The following NCAM2 variants were observed in gnomAD, a reference collection of about 807,000 sequenced individuals.
The protein encoded by NCAM2 is neural cell adhesion molecule 2, also known as N-CAM-2.
A neutral mutation model predicts 98.1 loss-of-function variants in NCAM2; 30 were observed. The ratio of observed to expected loss-of-function variants is 0.31; its 90% confidence interval spans 0.23 to 0.41. The LOEUF is 0.41. Ranked by LOEUF, NCAM2 falls within the 10% of genes least tolerant of loss-of-function variation. The probability of loss-of-function intolerance (pLI) is 1.00; values close to 1 mark genes in which losing one functional copy is unlikely to be tolerated. For synonymous variants in NCAM2, 368 were observed against 342.4 expected (o/e 1.07, Z -0.83); for missense variants, 867 against 1,005.8 (o/e 0.86, Z 1.87).
chr21:21,077,005 A>G (rs2065694195), intron 1 of NCAM2, among the ~76,000 whole-genome samples: 2 of 152,136 alleles, frequency 1.3e-5, no homozygotes, highest in Non-Finnish European at 2.9e-5. Flanking sequence ...TAAGAGAAAA[A>G]GAGGCAGTGG....
At chr21:21,428,297 G>T (rs1302050095) in intron 11 of NCAM2, among the ~76,000 whole-genome samples, 1 of 152,132 alleles carries the variant, frequency 6.6e-6, no homozygotes, top group African/African-American at 2.4e-5. Context: ...CTGAGCATCC[G>T]ATATGAGCCT....
intron 14 of NCAM2, among the ~76,000 whole-genome samples, chr21:21,473,373 A>AATATATATATATATAT (rs57318222): frequency 7.0e-4 from 99 of 140,486 alleles, no homozygotes; most frequent in African/African-American, 2.1e-3. Context: ...TATATGTATA[A>AATATATATATATATAT]ATATATATAT....
chr21:21,434,247 G>A (rs1383968563), intron 12 of NCAM2, among the ~76,000 whole-genome samples: 2 of 152,172 alleles, frequency 1.3e-5, no homozygotes, highest in African/African-American at 4.8e-5. Flanking sequence ...TTACCTGTTG[G>A]TATATTATGA....
At chr21:21,157,935 G>A (rs60762150) in intron 1 of NCAM2, among the ~76,000 whole-genome samples, 153 of 152,228 alleles carry the variant, frequency 1.0e-3, no homozygotes, top group African/African-American at 3.4e-3. Flanking sequence ...TACAAAAGAT[G>A]TTTGTATTTA....
intron 15 of NCAM2, among the ~76,000 whole-genome samples, chr21:21,492,470 T>TC (rs1006661599): frequency 4.6e-5 from 7 of 151,924 alleles, no homozygotes; most frequent in Non-Finnish European, 2.9e-5. Flanking sequence ...TATAGCTGCT[T>TC]CCCTATGACC....
At chr21:21,516,057 A>G (rs886126657) in intron 16 of NCAM2, among the ~76,000 whole-genome samples, 4 of 152,168 alleles carry the variant, frequency 2.6e-5, no homozygotes, top group Admixed American at 6.5e-5. Flanking sequence ...CCGTATGTCC[A>G]TGTATCGAAT....
At chr21:21,450,749 TTGTGTTATTCC>T (rs1322836353) in intron 12 of NCAM2, among the ~76,000 whole-genome samples, 1 of 151,572 alleles carries the variant, frequency 6.6e-6, no homozygotes, top group Non-Finnish European at 1.5e-5. Flanking sequence ...ATGCATGAAT[TTGTGTTATTCC>T]TCCTCCCCAT....
chr21:21,168,113 G>T (rs181153714), intron 1 of NCAM2, among the ~76,000 whole-genome samples: 1 of 151,842 alleles, frequency 6.6e-6, no homozygotes, highest in Non-Finnish European at 1.5e-5. Flanking sequence ...CTTTACAACC[G>T]AGTGGGACTT....
chr21:21,052,249 C>T (rs569303621), intron 1 of NCAM2, among the ~76,000 whole-genome samples: 15 of 150,614 alleles, frequency 1.0e-4, no homozygotes, highest in East Asian at 9.9e-4. Flanking sequence ...CTGCAAGCTC[C>T]GCCTCCCGGG....
At position 21,056,722 on chromosome 21, in the gene NCAM2, A is replaced by G. The variant is rs76975635; in HGVS notation, c.55+58104A>G. On this transcript the variant is annotated intron_variant, in intron 1 of 17. Transcript: ENST00000400546. ...TTCCATCATGGAGTACAACCATGAA[A>G]TTGTTGCTACTCATAGAAAGTCTTA... is the stretch of plus-strand genomic sequence containing the variant. Among the ~76,000 whole-genome samples the G allele has an allele frequency of 5.9e-3, 896 of 152,194 alleles. 9 individuals are homozygous for G. The highest frequency in any genetic ancestry group is 0.031 in the East Asian group (161 of 5,176).
At chr21:21,051,573 C>A (rs1301251825) in intron 1 of NCAM2, among the ~76,000 whole-genome samples, 2 of 152,150 alleles carry the variant, frequency 1.3e-5, no homozygotes, top group African/African-American at 4.8e-5. Flanking sequence ...CTGTGTTAGG[C>A]TGGGGATAAA....
At chr21:21,428,358 C>A (rs774539120) in intron 11 of NCAM2, among the ~76,000 whole-genome samples, 3 of 152,180 alleles carry the variant, frequency 2.0e-5, no homozygotes, top group Non-Finnish European at 2.9e-5. Flanking sequence ...AGACCAGTAT[C>A]TTTGCATACA....
intron 1 of NCAM2, among the ~76,000 whole-genome samples, chr21:21,204,296 T>G (rs937522645): frequency 1.3e-5 from 2 of 152,144 alleles, no homozygotes; most frequent in Non-Finnish European, 2.9e-5. Flanking sequence ...AAAATATAAA[T>G]ATTATTATTT....
At chr21:21,298,397 C>T (rs1485932092) in intron 5 of NCAM2, among the ~76,000 whole-genome samples, 3 of 151,420 alleles carry the variant, frequency 2.0e-5, no homozygotes, top group Admixed American at 1.3e-4. Context: ...TTACCCAAAT[C>T]AATAAATATT....
chr21:21,021,813 A>G (rs1180797045), intron 1 of NCAM2, among the ~76,000 whole-genome samples: 2 of 152,206 alleles, frequency 1.3e-5, no homozygotes, highest in Non-Finnish European at 2.9e-5. Context: ...GTAATCTCAT[A>G]TAATCCAGTG....
chr21:21,436,948 A>G (rs1200201804), intron 12 of NCAM2, among the ~76,000 whole-genome samples: 1 of 150,388 alleles, frequency 6.6e-6, no homozygotes, highest in Non-Finnish European at 1.5e-5. Flanking sequence ...TTATTTTTGT[A>G]TTTTTTAGTA....
chr21:21,225,941 T>G (rs112728818), intron 1 of NCAM2, among the ~76,000 whole-genome samples: 35 of 152,168 alleles, frequency 2.3e-4, no homozygotes, highest in African/African-American at 7.9e-4. Flanking sequence ...CTATCGATAG[T>G]GGTGGTACAT....
chr21:21,346,564 A>G (rs1469423005), intron 8 of NCAM2, among the ~76,000 whole-genome samples: 3 of 152,082 alleles, frequency 2.0e-5, no homozygotes, highest in African/African-American at 7.2e-5. Flanking sequence ...ATTTCATCCA[A>G]TGGCTGCAGA....
chr21:21,195,144 A>G (rs1464342776), intron 1 of NCAM2, among the ~76,000 whole-genome samples: 1 of 152,192 alleles, frequency 6.6e-6, no homozygotes, highest in Non-Finnish European at 1.5e-5. Flanking sequence ...ACAGAAACAA[A>G]CATCATTCAT....
Sources: allele counts gnomAD v4.1 joint callset (sites outside exome capture counted in the v4.1 genomes callset), GRCh38; gene constraint gnomAD v4.1.1; transcripts MANE v1.5; gene names NCBI Gene and HGNC (gene_info 2026-07-23, HGNC 2026-07-21).